Variants in SYNE2 observed in about 807,000 individuals in gnomAD.
SYNE2 encodes spectrin repeat containing nuclear envelope protein 2.
In SYNE2, 431 loss-of-function variants were observed where a neutral mutation model predicts 856.3. The observed-to-expected ratio is 0.50, with a 90% CI of 0.47 to 0.55. SYNE2 has a LOEUF of 0.55. Ranked by LOEUF, SYNE2 falls within the 20% of genes least tolerant of loss-of-function variation. SYNE2 has a pLI of 0.00. For synonymous variants in SYNE2, 2,923 were observed against 2,872.3 expected (o/e 1.02, Z -0.56); for missense variants, 8,129 against 8,023.2 (o/e 1.01, Z -0.50).
Position 64,203,858 on chromosome 14 carries a change from T to G in SYNE2, c.18201+895T>G, listed in dbSNP as rs74559044. 9.4e-4 allele frequency among the ~76,000 whole-genome samples: 143 copies of G among 152,282 alleles called. 1 individual carries two copies. In the East Asian group the frequency reaches 0.026, roughly 27 times the overall value. On this transcript the variant is annotated intron_variant, in intron 100 of 115. Coordinates refer to ENST00000555002, the MANE Select transcript of SYNE2 (RefSeq NM_182914.3). Reference sequence around the variant, plus strand: ...AGACCGGATTGGGGGTGAACCTTTTTCACCAGATTTAATATTTGATACTAC... The same window carrying G: ...AGACCGGATTGGGGGTGAACCTTTTGCACCAGATTTAATATTTGATACTAC...
intron 84 of SYNE2, among the ~76,000 whole-genome samples, chr14:64,152,011 A>T (rs1359306430): frequency 1.3e-5 from 2 of 152,086 alleles, no homozygotes; most frequent in African/African-American, 4.8e-5. Context: ...GTAGGTTTTT[A>T]AAAATGTATC....
intron 1 of SYNE2, among the ~76,000 whole-genome samples, chr14:63,803,228 A>G (rs959875267): frequency 1.2e-4 from 18 of 152,336 alleles, no homozygotes; most frequent in African/African-American, 4.1e-4. Context: ...CCGGGGCTGC[A>G]GGTGGAGCTG....
intron 52 of SYNE2, 108 bp from the exon 53 acceptor site, chr14:64,073,860 C>T: frequency 8.2e-7 from 1 of 1,217,198 alleles, no homozygotes; most frequent in Non-Finnish European, 1.2e-6. Flanking sequence ...AATAACCATC[C>T]TTTAGTAGCT....
intron 1 of SYNE2, among the ~76,000 whole-genome samples, chr14:63,890,571 G>C (rs913257731): frequency 2.6e-5 from 4 of 152,266 alleles, no homozygotes; most frequent in African/African-American, 9.6e-5. Flanking sequence ...AGAATGAGGG[G>C]AGGGAGACAG....
chr14:64,190,594 T>G, intron 99 of SYNE2: 3 of 702,102 alleles, frequency 4.3e-6, no homozygotes, highest in Non-Finnish European at 7.8e-6. Flanking sequence ...CCGTTGCTCC[T>G]GCCTCAGTAT....
intron 42 of SYNE2, among the ~76,000 whole-genome samples, chr14:64,027,274 A>G (rs2096988078): frequency 6.6e-6 from 1 of 152,222 alleles, no homozygotes; most frequent in East Asian, 1.9e-4. Context: ...ACAGAAAACA[A>G]TTATTTTTTA....
At chr14:63,987,056 A>G (rs1369351969) in intron 19 of SYNE2, among the ~76,000 whole-genome samples, 1 of 152,122 alleles carries the variant, frequency 6.6e-6, no homozygotes, top group African/African-American at 2.4e-5. Context: ...GATAGAGACC[A>G]TCCTGGCCAA....
chr14:64,122,052 A>G lies in SYNE2; in HGVS notation c.13199A>G (p.Lys4400Arg), dbSNP rs2097902557. The change falls in exon 69 of 116, where the codon AAA becomes AGA. Residue 4400 changes from lysine to arginine, a missense_variant. Lys to Arg is a conservative substitution (Grantham distance 26). Around this residue, in one of 3 missense-constraint regions of SYNE2, gnomAD observed 5,410 missense variants for 5,284.8 expected, o/e 1.02. Coordinates refer to ENST00000555002, the MANE Select transcript of SYNE2 (RefSeq NM_182914.3). ...CCAATGGAACAGAAAGATTTCATCAAATTCATAGAATTTAATGCTAAGAAA... is the reference window on the plus strand; with the variant it reads ...CCAATGGAACAGAAAGATTTCATCAGATTCATAGAATTTAATGCTAAGAAA... ...LKPMEQKDFI[K>R]FIEFNAKKMW... is the part of the protein sequence containing the mutation. 1 of 1,614,008 alleles carries G rather than the reference A, an allele frequency of 6.2e-7. No homozygotes were observed. Among genetic ancestry groups the G allele is most frequent in the African/African-American group, 1.3e-5 (1 of 75,070 alleles).
Position 64,026,709 on chromosome 14 carries a change from A to T in SYNE2, c.6383A>T (p.His2128Leu), listed in dbSNP as rs1300658160. Residue 2128 changes from histidine to leucine, a missense_variant, in exon 42 of 116, where the codon CAT becomes CTT. Physicochemically the swap from His to Leu is moderately conservative, Grantham distance 99. Around this residue, in one of 3 missense-constraint regions of SYNE2, gnomAD observed 297 missense variants for 380.9 expected, o/e 0.78. Coordinates refer to ENST00000555002, the MANE Select transcript of SYNE2 (RefSeq NM_182914.3). ...DISNQWDNTL[H>L]LASTYLSHQE... ...AGCAACCAGTGGGACAACACACTCCATTTAGCTAGCACCTACCTAAGGTAA... is the reference window on the plus strand; with the variant it reads ...AGCAACCAGTGGGACAACACACTCCTTTTAGCTAGCACCTACCTAAGGTAA... 4 of 1,610,622 alleles carry T rather than the reference A, an allele frequency of 2.5e-6. No homozygotes were observed. Among genetic ancestry groups the T allele is most frequent in the Non-Finnish European group, 3.4e-6 (4 of 1,178,292 alleles).
rs376851893 is a variant in SYNE2, at chr14:64,143,781, A to G, written c.15316A>G (p.Met5106Val). 2.5e-6 allele frequency: 4 copies of G among 1,614,196 alleles called. No individual in the cohort carries two copies. In the Middle Eastern group the frequency reaches 5.0e-4, roughly 200 times the overall value. Residue 5106 changes from methionine (M) to valine (V), a missense_variant, in exon 83 of 116, where the codon ATG (methionine) becomes GTG (valine). By Grantham distance (21) the Met-to-Val change is conservative (BLOSUM62 1). This residue lies in a region of SYNE2 where 5,410 missense variants were observed against 5,284.8 expected (regional missense o/e 1.02). Transcript: ENST00000555002. The stretch of plus-strand genomic sequence containing the variant: ...ACTTTGCTTATTTTAGGAGTTTAGA[A>G]TGGAAATGGACTATAAACAGTGGAT... ...HLLQKHKEFR[M>V]EMDYKQWIVD...
chr14:63,785,643 A>G (rs56401218), intron 1 of SYNE2, among the ~76,000 whole-genome samples: 63,081 of 152,036 alleles, frequency 0.41, 14,731 homozygotes, highest in South Asian at 0.55. Flanking sequence ...ATGTGCGACA[A>G]GTGTGGATAT....
At chr14:63,990,853 C>T (rs2096661359) in intron 20 of SYNE2, 89 bp from the exon 21 acceptor site, 1 of 1,039,552 alleles carries the variant, frequency 9.6e-7, no homozygotes, top group Non-Finnish European at 1.5e-6. Flanking sequence ...ATATCTTTGT[C>T]TAGTGGGAAA....
chr14:64,078,457 C>A lies in SYNE2; in HGVS notation c.11023-9C>A. On this transcript the variant is annotated splice_polypyrimidine_tract_variant and intron_variant, in intron 54 of 115. Coordinates refer to ENST00000555002, the MANE Select transcript of SYNE2 (RefSeq NM_182914.3). ...CTCTAAGCCAAATGCGTCTTTGTCT[C>A]TTTCACAGATTAGCAATGAAGTCTT... 6.2e-7 allele frequency: 1 copy of A among 1,613,688 alleles called. No homozygotes were observed. The highest frequency in any genetic ancestry group is 1.1e-5 in the South Asian group (1 of 91,042).
At chr14:64,006,640 G>C (rs2096798210) in intron 30 of SYNE2, among the ~76,000 whole-genome samples, 1 of 151,898 alleles carries the variant, frequency 6.6e-6, no homozygotes, top group African/African-American at 2.4e-5. Context: ...ACAAGTCTGG[G>C]CAACATAGTG....
intron 99 of SYNE2, among the ~76,000 whole-genome samples, chr14:64,193,149 C>T (rs568120615): frequency 5.3e-5 from 8 of 152,344 alleles, no homozygotes; most frequent in African/African-American, 1.4e-4. Context: ...TGCGGGATGC[C>T]CTGATGGCTT....
At chr14:64,191,534 C>T (rs2781380) in intron 99 of SYNE2, among the ~76,000 whole-genome samples, 68,334 of 151,988 alleles carry the variant, frequency 0.45, 17,430 homozygotes, top group African/African-American at 0.71. Flanking sequence ...GCATCGAAGC[C>T]GTTCAGGAAG....
chr14:64,034,933 TA>T lies in SYNE2; in HGVS notation c.7221+3577del, dbSNP rs1039121492. On this transcript the variant is annotated intron_variant, in intron 45 of 115. Transcript: ENST00000555002. ...GAAACTCATACATTTTCTAATTTATTATTTTTTTTCTAAAAAATCATAATAC... is the reference window on the plus strand; with the variant it reads ...GAAACTCATACATTTTCTAATTTATTTTTTTTTTCTAAAAAATCATAATAC... 4.0e-5 allele frequency among the ~76,000 whole-genome samples: 6 copies of T among 151,086 alleles called. No individual in the cohort carries two copies. In the East Asian group the frequency reaches 5.8e-4, roughly 15 times the overall value.
chr14:63,955,056 G>A, intron 8 of SYNE2, 141 bp downstream of exon 8: 1 of 722,042 alleles, frequency 1.4e-6, no homozygotes, highest in Non-Finnish European at 2.3e-6. Flanking sequence ...TATCGAATTT[G>A]ATGCAATCAA....
chr14:64,107,252 G>C (rs934422361), intron 64 of SYNE2, among the ~76,000 whole-genome samples: 5 of 152,180 alleles, frequency 3.3e-5, no homozygotes, highest in African/African-American at 1.2e-4. Flanking sequence ...TAATTCTCTA[G>C]ATTGTTTATG....
Sources: allele counts gnomAD v4.1 joint callset (sites outside exome capture counted in the v4.1 genomes callset), GRCh38; gene constraint gnomAD v4.1.1; regional missense constraint gnomAD v4.1.1; transcripts MANE v1.5; gene names NCBI Gene and HGNC (gene_info 2026-07-23, HGNC 2026-07-21).